The following ZFYVE28 variants were observed in gnomAD, a reference collection of about 807,000 sequenced individuals.
ZFYVE28 encodes the protein zinc finger FYVE-type containing 28.
In ZFYVE28, 40 loss-of-function variants were observed where a neutral mutation model predicts 82.1. The observed-to-expected ratio is 0.49, with a 90% CI of 0.38 to 0.63. The LOEUF (loss-of-function observed/expected upper bound fraction) is 0.63, where lower values mean the gene tolerates loss of function less well. Ranked by LOEUF, ZFYVE28 falls within the 30% of genes least tolerant of loss-of-function variation. The pLI, the probability that ZFYVE28 is intolerant of heterozygous loss-of-function variation, is 0.00. For synonymous variants in ZFYVE28, 612 were observed against 546.1 expected, an observed-to-expected ratio of 1.12 and a Z score of -1.68; for missense variants, 1,321 against 1,242.1, an observed-to-expected ratio of 1.06 and a Z score of -0.96.
In ZFYVE28 at chr4:2,345,638, T is replaced by A. The variant is rs377217942; in HGVS notation, c.181-4023A>T. Among the ~76,000 whole-genome samples, 336 of 151,462 alleles carry A rather than the reference T, an allele frequency of 2.2e-3. 1 individual carries two copies. Among genetic ancestry groups the A allele is most frequent in the African/African-American group, 7.8e-3 (323 of 41,256 alleles). On this transcript the variant is annotated intron_variant, in intron 2 of 12. Coordinates refer to ENST00000290974, the MANE Select transcript of ZFYVE28 (RefSeq NM_020972.3). ...AGATAGAAAAAAATATTTGGAGGAA[T>A]AATGGCCAAAATTTTTCCAAATTTA... is the stretch of plus-strand genomic sequence containing the variant.
At chr4:2,281,167 C>G (rs1711913265) in intron 8 of ZFYVE28, among the ~76,000 whole-genome samples, 1 of 152,078 alleles carries the variant, frequency 6.6e-6, no homozygotes, top group Non-Finnish European at 1.5e-5. Context: ...GGGCCCCATA[C>G]AGAGATGTCA....
Position 2,394,798 on chromosome 4 carries a change from T to G in ZFYVE28, c.39+23487A>C, listed in dbSNP as rs1405221342. 6.6e-6 allele frequency among the ~76,000 whole-genome samples: 1 copy of G among 152,224 alleles called. No individual in the cohort carries two copies. The highest frequency in any genetic ancestry group is 1.9e-4 in the East Asian group (1 of 5,188). ...TCGGCGGTCAGAGGCGTCCTCGTCC[T>G]TGCAGCAACCCTGGTGCCAGCGGCA... On this transcript the variant is annotated intron_variant, in intron 1 of 12. Coordinates refer to ENST00000290974, the MANE Select transcript of ZFYVE28 (RefSeq NM_020972.3). This position sits in a 1 kb window ranked among gnomAD's most constrained non-coding sequence, Gnocchi z 4.0.
At chr4:2,374,485 C>T (rs935149760) in intron 1 of ZFYVE28, among the ~76,000 whole-genome samples, 18 of 152,104 alleles carry the variant, frequency 1.2e-4, no homozygotes, top group Admixed American at 1.2e-3. Context: ...TAATAATGCA[C>T]ACCTGTAGTC....
At chr4:2,343,258 AG>A (rs1350160393) in intron 2 of ZFYVE28, 1 of 152,172 alleles carries the variant, frequency 6.6e-6, no homozygotes, top group Admixed American at 6.5e-5. Context: ...GGCTCTAATG[AG>A]ATACTGCCAA....
At chr4:2,313,001 T>C (rs1008813549) in intron 7 of ZFYVE28, among the ~76,000 whole-genome samples, 1 of 151,666 alleles carries the variant, frequency 6.6e-6, no homozygotes, top group Admixed American at 6.6e-5. Context: ...GCCAAGATCA[T>C]GCGAACTGCA....
intron 1 of ZFYVE28, among the ~76,000 whole-genome samples, chr4:2,375,877 A>AT (rs58441543): frequency 0.54 from 80,061 of 147,568 alleles, 21,559 homozygotes; most frequent in East Asian, 0.64. Flanking sequence ...TGGTCAAATA[A>AT]TTTTTTTTTT....
intron 8 of ZFYVE28, among the ~76,000 whole-genome samples, chr4:2,297,554 A>G (rs1714785295): frequency 6.6e-6 from 1 of 152,266 alleles, no homozygotes; most frequent in Admixed American, 6.5e-5. Context: ...CACCGCCAGA[A>G]GAGCGGGGGA....
intron 1 of ZFYVE28, among the ~76,000 whole-genome samples, chr4:2,389,596 A>G (rs1348981171): frequency 1.3e-5 from 2 of 152,320 alleles, no homozygotes; most frequent in African/African-American, 4.8e-5. Flanking sequence ...ACCTAGAAAA[A>G]GGCTTTGCAT....
intron 1 of ZFYVE28, among the ~76,000 whole-genome samples, chr4:2,386,216 G>A (rs772515005): frequency 9.9e-5 from 15 of 152,044 alleles, no homozygotes; most frequent in Admixed American, 3.3e-4. Context: ...TGCACGCAGT[G>A]GCTCATGTCT....
rs599639 is a variant in ZFYVE28 at position 2,335,877 on chromosome 4, C to T, written c.612-83G>A. 344,360 of 1,203,182 alleles carry T rather than the reference C, an allele frequency of 0.29. 52,552 individuals are homozygous for T. The highest frequency in any genetic ancestry group is 0.32 in the Middle Eastern group (1,738 of 5,350). 74.5% of individuals were successfully genotyped at this position (1,203,182 alleles called of 1,614,324 possible). On this transcript the variant is annotated intron_variant, in intron 5 of 12. Transcript: ENST00000290974. The surrounding 1 kb of genome is among the most constrained non-coding windows in gnomAD (Gnocchi z 5.8). ...TGGACCCCAGCAGGGACAGGCAGTGCGCTCAATCTGTACCTGCAGCCACGC... is the reference window on the plus strand; with the variant it reads ...TGGACCCCAGCAGGGACAGGCAGTGTGCTCAATCTGTACCTGCAGCCACGC...
At chr4:2,297,434 G>GCC (rs913101438) in intron 8 of ZFYVE28, among the ~76,000 whole-genome samples, 10 of 152,206 alleles carry the variant, frequency 6.6e-5, no homozygotes, top group African/African-American at 2.4e-4. Flanking sequence ...CGGAGGAGTC[G>GCC]CCAGGTGGGG....
At chr4:2,358,529 A>G (rs1725669864) in intron 1 of ZFYVE28, among the ~76,000 whole-genome samples, 1 of 152,168 alleles carries the variant, frequency 6.6e-6, no homozygotes, top group Non-Finnish European at 1.5e-5. Context: ...CACCTGCAGA[A>G]GGCAGCCTGT....
chr4:2,328,519 G>T (rs1720216277), intron 6 of ZFYVE28: 1 of 152,088 alleles, frequency 6.6e-6, no homozygotes, highest in African/African-American at 2.4e-5. Flanking sequence ...TTTCCAAATT[G>T]TAAGAGAGTA....
rs1175203335 is a variant in ZFYVE28 at position 2,394,304 on chromosome 4, A to G, written c.39+23981T>C. Among the ~76,000 whole-genome samples the G allele has an allele frequency of 1.3e-5, 2 of 152,120 alleles. No homozygotes were observed. Among genetic ancestry groups the G allele is most frequent in the African/African-American group, 2.4e-5 (1 of 41,432 alleles). On this transcript the variant is annotated intron_variant, in intron 1 of 12. Transcript: ENST00000290974. The surrounding 1 kb of genome is among the most constrained non-coding windows in gnomAD (Gnocchi z 4.0). Reference sequence around the variant, plus strand: ...ATTCATGGGTTCCAGGGATTCACACATGGACACCTTTGGGGGCCATCATTC... The same window carrying G: ...ATTCATGGGTTCCAGGGATTCACACGTGGACACCTTTGGGGGCCATCATTC...
intron 8 of ZFYVE28, among the ~76,000 whole-genome samples, chr4:2,294,576 T>C (rs1714245498): frequency 6.6e-6 from 1 of 152,204 alleles, no homozygotes; most frequent in Admixed American, 6.5e-5. Flanking sequence ...TCACAATTCA[T>C]AAAATAAAAA....
chr4:2,276,486 A>G (rs1462856996), intron 8 of ZFYVE28, among the ~76,000 whole-genome samples: 1 of 152,210 alleles, frequency 6.6e-6, no homozygotes, highest in African/African-American at 2.4e-5. Flanking sequence ...TACCCAAAGG[A>G]ACTGAAATTT....
intron 1 of ZFYVE28, among the ~76,000 whole-genome samples, chr4:2,406,256 C>A (rs1359474900): frequency 4.0e-5 from 6 of 151,526 alleles, no homozygotes; most frequent in Non-Finnish European, 7.4e-5. Context: ...CCTGTAATCC[C>A]AGCTACTCGA....
At chr4:2,319,827 T>C (rs1472042854) in intron 7 of ZFYVE28, among the ~76,000 whole-genome samples, 22 of 18,546 alleles carry the variant, frequency 1.2e-3, no homozygotes, top group African/African-American at 4.2e-3. Flanking sequence ...ATGGTGGGGA[T>C]GGTGGGGACG....
At chr4:2,284,581 T>C (rs1712447092) in intron 8 of ZFYVE28, among the ~76,000 whole-genome samples, 1 of 152,194 alleles carries the variant, frequency 6.6e-6, no homozygotes, top group African/African-American at 2.4e-5. Context: ...CCGGTCACAC[T>C]GGCCACCAGG....
Sources: allele counts gnomAD v4.1 joint callset (sites outside exome capture counted in the v4.1 genomes callset), GRCh38; gene constraint gnomAD v4.1.1; non-coding constraint Gnocchi (gnomAD v3.1); transcripts MANE v1.5; gene names NCBI Gene and HGNC (gene_info 2026-07-23, HGNC 2026-07-21).